DNAI7: variants seen among roughly 807,000 people sequenced by gnomAD.
The protein encoded by DNAI7 is cancer susceptibility 1.
DNAI7 carries 78 observed loss-of-function variants against 86.6 expected under a neutral mutation model. That is an observed-to-expected ratio of 0.90 (90% CI 0.75 to 1.09). The LOEUF is 1.09. Ranked by LOEUF, DNAI7 falls within the 50% of genes least tolerant of loss-of-function variation. The pLI is 0.00. For missense variants in DNAI7, 753 were observed against 810.2 expected (o/e 0.93, Z 0.86); for synonymous variants, 274 against 273.0 (o/e 1.00, Z -0.04).
intron 9 of DNAI7, among the ~76,000 whole-genome samples, chr12:25,136,253 C>T (rs1012191261): frequency 1.6e-4 from 24 of 152,302 alleles, no homozygotes; most frequent in Admixed American, 1.4e-3. Flanking sequence ...GCAGACACTC[C>T]GCAGTACCAA....
At chr12:25,173,882 C>T (rs1948427208) in intron 2 of DNAI7, among the ~76,000 whole-genome samples, 2 of 133,330 alleles carry the variant, frequency 1.5e-5, no homozygotes, top group South Asian at 2.4e-4. Context: ...TATATATACA[C>T]ATCATTCATA....
In DNAI7 at chr12:25,108,768, A is replaced by C; in HGVS notation, c.1949T>G (p.Met650Arg). 1 of 1,510,230 alleles carries C rather than the reference A, an allele frequency of 6.6e-7. No individual in the cohort carries two copies. Among genetic ancestry groups the C allele is most frequent in the Non-Finnish European group, 9.0e-7 (1 of 1,114,890 alleles). 93.6% of individuals were successfully genotyped at this position (1,510,230 alleles called of 1,614,324 possible). A position where few individuals can be genotyped will look rare whatever the true frequency, so the allele number is the denominator to read the frequency against. Reference sequence around the variant, plus strand: ...TCTTTGTGCTCTGTCACCACTAAACATTAAAAGGGCCCAATTAGGATTCTC... The same window carrying C: ...TCTTTGTGCTCTGTCACCACTAAACCTTAAAAGGGCCCAATTAGGATTCTC... ...CTENPNWALL[M>R]FSGDRAQRLK... is the part of the protein sequence containing the mutation. Residue 650 changes from methionine (M) to arginine (R), a missense_variant, in exon 16 of 16, where the codon ATG becomes AGG. Physicochemically the swap from Met to Arg is moderately conservative, Grantham distance 91 (BLOSUM62 -1). Coordinates refer to ENST00000395987, the MANE Select transcript of DNAI7 (RefSeq NM_018272.5).
chr12:25,193,112 T>C (rs10743548), intron 1 of DNAI7, among the ~76,000 whole-genome samples: 38,393 of 151,070 alleles, frequency 0.25, 5,282 homozygotes, highest in African/African-American at 0.37. Flanking sequence ...TGACACTGCA[T>C]TGCAGCCTAG....
chr12:25,141,984 C>A (rs1944252729), intron 9 of DNAI7, among the ~76,000 whole-genome samples: 1 of 152,200 alleles, frequency 6.6e-6, no homozygotes, highest in Non-Finnish European at 1.5e-5. Flanking sequence ...TTTGATCCAG[C>A]AATCCCAGTA....
At chr12:25,115,953 A>C (rs1159229910) in intron 12 of DNAI7, among the ~76,000 whole-genome samples, 2 of 152,176 alleles carry the variant, frequency 1.3e-5, no homozygotes, top group Admixed American at 6.5e-5. Flanking sequence ...GTCGTGCTCT[A>C]TAGCACTTTA....
intron 11 of DNAI7, among the ~76,000 whole-genome samples, chr12:25,120,057 A>C (rs527830932): frequency 2.6e-5 from 4 of 152,144 alleles, no homozygotes; most frequent in Non-Finnish European, 5.9e-5. Context: ...GACAAAAGTC[A>C]ATAACAACAG....
chr12:25,144,021 ATTAT>A (rs745668194), intron 9 of DNAI7, among the ~76,000 whole-genome samples: 2 of 152,202 alleles, frequency 1.3e-5, no homozygotes, highest in Non-Finnish European at 2.9e-5. Flanking sequence ...GTAATATAAG[ATTAT>A]TTACTGTAAG....
chr12:25,110,041 A>G lies in DNAI7; in HGVS notation c.1893+86T>C, dbSNP rs1020726900. On this transcript the variant is annotated intron_variant, in intron 15 of 15. Coordinates refer to ENST00000395987, the MANE Select transcript of DNAI7 (RefSeq NM_018272.5). ...TTTTTTTAACTTTTCTAAGAGGGGA[A>G]GCCATGGTCTACATTCATTTAGTCT... 15 of 688,968 alleles carry G rather than the reference A, an allele frequency of 2.2e-5. No homozygotes were observed. The African/African-American group carries it at 2.3e-4, about 11-fold the overall frequency. 42.7% of individuals were successfully genotyped at this position (688,968 alleles called of 1,614,324 possible). A position where few individuals can be genotyped will look rare whatever the true frequency, so the allele number is the denominator to read the frequency against.
Position 25,114,773 on chromosome 12 carries a change from C to T in DNAI7, c.1494G>A (p.Leu498=), listed in dbSNP as rs1555152312. The T allele has an allele frequency of 4.3e-6, 7 of 1,613,890 alleles. No homozygotes were observed. The Admixed American group carries it at 6.7e-5, about 15-fold the overall frequency. The change falls in exon 13 of 16, where the codon TTG becomes TTA. Residue 498 remains leucine (L), a synonymous_variant. Coordinates refer to ENST00000395987, the MANE Select transcript of DNAI7 (RefSeq NM_018272.5). The stretch of plus-strand genomic sequence containing the variant: ...GCATGTTAATATGAGCATCTTGAAT[C>T]AAGGTAACAGGGCCAAAGGTGTCCA... ...FSLDTFGPVT[L]IQDAHINMPY...
chr12:25,119,375 G>C, intron 11 of DNAI7, 74 bp from the exon 12 acceptor site: 1 of 825,228 alleles, frequency 1.2e-6, no homozygotes. Flanking sequence ...TACTGAATAA[G>C]TTATATAGTT....
At chr12:25,180,040 C>T (rs967976139) in intron 2 of DNAI7, among the ~76,000 whole-genome samples, 13 of 152,086 alleles carry the variant, frequency 8.5e-5, no homozygotes, top group East Asian at 1.9e-4. Flanking sequence ...GCCTAGAAAA[C>T]GGTAAAGATT....
intron 9 of DNAI7, among the ~76,000 whole-genome samples, chr12:25,133,596 A>T (rs1943192691): frequency 6.6e-6 from 1 of 152,088 alleles, no homozygotes; most frequent in Non-Finnish European, 1.5e-5. Flanking sequence ...CACCAATACT[A>T]TGGGGTTCTT....
chr12:25,154,486 A>G (rs1945927388), intron 5 of DNAI7, 30 bp from the exon 6 acceptor site: 1 of 1,580,342 alleles, frequency 6.3e-7, no homozygotes, highest in Non-Finnish European at 8.5e-7. Flanking sequence ...AAAGGTTCAC[A>G]TTGATGAAGA....
chr12:25,115,069 T>C (rs1939796063), intron 12 of DNAI7, among the ~76,000 whole-genome samples, 199 bp from the exon 13 acceptor site: 1 of 152,234 alleles, frequency 6.6e-6, no homozygotes, highest in Non-Finnish European at 1.5e-5. Context: ...TGGTAAGACC[T>C]TCAGAATGAA....
rs929064549 is a variant in DNAI7, at chr12:25,176,825, T to C, written c.21+13789A>G. On this transcript the variant is annotated intron_variant, in intron 2 of 15. Transcript: ENST00000395987. ...ACTTTCCATAAATTTAATGACTTTA[T>C]GTATATTATTGTGATTTGCTTTTTT... Among the ~76,000 whole-genome samples, 4 of 151,898 alleles carry C rather than the reference T, an allele frequency of 2.6e-5. No homozygotes were observed. In the South Asian group the frequency reaches 8.3e-4, roughly 31 times the overall value.
At chr12:25,124,436 A>T (rs182754707) in intron 9 of DNAI7, among the ~76,000 whole-genome samples, 123 of 152,272 alleles carry the variant, frequency 8.1e-4, no homozygotes, top group Admixed American at 1.6e-3. Context: ...TCCCTGACAT[A>T]AGGAACTTCC....
At chr12:25,132,212 A>G (rs1300780870) in intron 9 of DNAI7, among the ~76,000 whole-genome samples, 1 of 152,160 alleles carries the variant, frequency 6.6e-6, no homozygotes, top group East Asian at 1.9e-4. Flanking sequence ...GAAAATTCAA[A>G]TAACACAATA....
intron 6 of DNAI7, among the ~76,000 whole-genome samples, chr12:25,153,644 A>G (rs1223242830): frequency 6.6e-6 from 1 of 152,160 alleles, no homozygotes; most frequent in East Asian, 1.9e-4. Context: ...TGGCCCTTTG[A>G]ACCAATGCTA....
chr12:25,120,593 GCGGGCGC>G (rs1565644098), intron 11 of DNAI7, among the ~76,000 whole-genome samples: 1 of 151,982 alleles, frequency 6.6e-6, no homozygotes, highest in African/African-American at 2.4e-5. Flanking sequence ...GGGCGTGGTA[GCGGGCGC>G]CTGTAGTCCC....
Sources: allele counts gnomAD v4.1 joint callset (sites outside exome capture counted in the v4.1 genomes callset), GRCh38; gene constraint gnomAD v4.1.1; transcripts MANE v1.5; gene names NCBI Gene and HGNC (gene_info 2026-07-23, HGNC 2026-07-21).